CERS4: variants seen among roughly 807,000 people sequenced by gnomAD.
CERS4 encodes the protein LAG1 homolog, ceramide synthase 4.
CERS4 carries 65 observed loss-of-function variants against 51.8 expected under a neutral mutation model. The observed-to-expected ratio is 1.26, with a 90% CI of 1.03 to 1.54. CERS4 has a LOEUF of 1.54. Among genes scored for constraint, CERS4 ranks in the 40% most tolerant of loss-of-function variants. The probability of loss-of-function intolerance (pLI) is 0.00; values close to 1 mark genes in which losing one functional copy is unlikely to be tolerated. For synonymous variants in CERS4, 228 were observed against 208.4 expected (o/e 1.09, Z -0.81); for missense variants, 563 against 500.4 (o/e 1.13, Z -1.19).
intron 2 of CERS4, among the ~76,000 whole-genome samples, chr19:8,237,002 CAA>C (rs781273995): frequency 0.019 from 834 of 44,796 alleles, 2 homozygotes; most frequent in African/African-American, 0.059. Flanking sequence ...GACTCTGTCT[CAA>C]AAAAAAAAAA....
Position 8,260,703 on chromosome 19 carries a change from A to G in CERS4, c.849-985A>G, listed in dbSNP as rs1969639546. Among the ~76,000 whole-genome samples the G allele has an allele frequency of 2.0e-5, 3 of 151,748 alleles. No individual in the cohort carries two copies. In the South Asian group the frequency reaches 6.2e-4, roughly 31 times the overall value. ...GGCGGCTCACGCCTGTAATCCCAGC[A>G]CTTTGGGAGGCTGAGGTGAACAGAT... On this transcript the variant is annotated intron_variant, in intron 10 of 11. Coordinates refer to ENST00000251363, the MANE Select transcript of CERS4 (RefSeq NM_024552.3).
chr19:8,248,557 TTTAGATGGGTGGACAGATGG>T (rs1430703284), intron 2 of CERS4, among the ~76,000 whole-genome samples: 7 of 148,584 alleles, frequency 4.7e-5, no homozygotes, highest in Admixed American at 4.7e-4. Context: ...TGGACAGATG[TTTAGATGGGTGGACAGATGG>T]ATGATGGATG....
chr19:8,226,146 G>C (rs563188482), intron 2 of CERS4, among the ~76,000 whole-genome samples: 1 of 151,908 alleles, frequency 6.6e-6, no homozygotes, highest in Non-Finnish European at 1.5e-5. Context: ...GCAGTGAGCC[G>C]AAGTCACACC....
At chr19:8,215,706 C>T (rs902579730) in intron 2 of CERS4, among the ~76,000 whole-genome samples, 4 of 152,078 alleles carry the variant, frequency 2.6e-5, no homozygotes, top group Non-Finnish European at 4.4e-5. Flanking sequence ...TGTTGAGCCA[C>T]GGCACTGTGA....
chr19:8,241,929 G>A (rs1968556555), intron 2 of CERS4, among the ~76,000 whole-genome samples: 1 of 152,170 alleles, frequency 6.6e-6, no homozygotes, highest in South Asian at 2.1e-4. Flanking sequence ...GGATCCAAAA[G>A]AGAAAAGCTA....
intron 3 of CERS4, 30 bp from the exon 4 acceptor site, chr19:8,254,469 G>A (rs1198978076): frequency 6.2e-7 from 1 of 1,606,428 alleles, no homozygotes; most frequent in Admixed American, 1.7e-5. Flanking sequence ...CTTCACCTGG[G>A]CTGATAGGCT....
chr19:8,243,258 T>G (rs559854982), intron 2 of CERS4, among the ~76,000 whole-genome samples: 3 of 150,704 alleles, frequency 2.0e-5, no homozygotes, highest in Non-Finnish European at 4.4e-5. Context: ...TGGTCATGGC[T>G]TTGGCTGTGA....
At chr19:8,247,732 C>CTTTT (rs370855290) in intron 2 of CERS4, among the ~76,000 whole-genome samples, 17 of 131,136 alleles carry the variant, frequency 1.3e-4, no homozygotes, top group Admixed American at 2.5e-4. Flanking sequence ...ACCTCCGCAT[C>CTTTT]TTTTTTTTTT....
intron 2 of CERS4, chr19:8,239,235 C>T (rs1968412408): frequency 6.6e-6 from 1 of 151,718 alleles, no homozygotes; most frequent in Admixed American, 6.6e-5. Context: ...AACTCCGTCT[C>T]TACTAAAATA....
At chr19:8,261,014 G>C (rs1012791249) in intron 10 of CERS4, 1 of 151,762 alleles carries the variant, frequency 6.6e-6, no homozygotes, top group Non-Finnish European at 1.5e-5. Context: ...AGGATGTGGT[G>C]GGAGCTGGGC....
intron 2 of CERS4, among the ~76,000 whole-genome samples, chr19:8,248,385 G>A (rs1376028379): frequency 6.6e-6 from 1 of 152,176 alleles, no homozygotes; most frequent in Non-Finnish European, 1.5e-5. Flanking sequence ...ATGGATAGAT[G>A]GAAGAAAAGA....
chr19:8,245,275 A>C (rs950217259), intron 2 of CERS4, among the ~76,000 whole-genome samples: 2 of 151,724 alleles, frequency 1.3e-5, no homozygotes, highest in Non-Finnish European at 2.9e-5. Context: ...TTTTGGAGAC[A>C]GGTATCACTC....
intron 10 of CERS4, 35 bp from the exon 11 acceptor site, chr19:8,261,653 C>A: frequency 1.2e-6 from 2 of 1,611,950 alleles, no homozygotes; most frequent in South Asian, 2.2e-5. Context: ...AGCGGCTGGT[C>A]AAACCCCAGC....
chr19:8,250,889 T>C (rs1969042585), intron 2 of CERS4, 187 bp from the exon 3 acceptor site: 18 of 1,423,730 alleles, frequency 1.3e-5, no homozygotes, highest in Non-Finnish European at 1.6e-5. Context: ...TGGTGGCTCT[T>C]CTGGGACCAG....
At chr19:8,236,680 T>TA (rs59164781) in intron 2 of CERS4, among the ~76,000 whole-genome samples, 1,259 of 122,290 alleles carry the variant, frequency 0.01, 15 homozygotes, top group Middle Eastern at 0.035. Flanking sequence ...CCCTGTCTTC[T>TA]AAAAAAAAAA....
intron 2 of CERS4, chr19:8,239,748 GT>G (rs33921112): frequency 0.33 from 50,527 of 152,012 alleles, 10,687 homozygotes; most frequent in Non-Finnish European, 0.47. Context: ...CCTGTTAAGG[GT>G]GGGTTATTTT....
intron 2 of CERS4, among the ~76,000 whole-genome samples, chr19:8,226,862 C>T (rs1442470990): frequency 6.6e-6 from 1 of 152,130 alleles, no homozygotes; most frequent in Non-Finnish European, 1.5e-5. Context: ...GGCGCAGTGG[C>T]TCACACCTGT....
intron 2 of CERS4, among the ~76,000 whole-genome samples, chr19:8,215,155 G>C (rs1406162111): frequency 6.6e-6 from 1 of 151,882 alleles, no homozygotes; most frequent in Admixed American, 6.6e-5. Flanking sequence ...TGGTAGCCTC[G>C]ATCAGGGGCC....
chr19:8,254,240 G>A (rs113299606), intron 3 of CERS4, among the ~76,000 whole-genome samples: 1 of 149,086 alleles, frequency 6.7e-6, no homozygotes, highest in South Asian at 2.1e-4. Flanking sequence ...GGAGAATGGC[G>A]TGAACCCGGG....
Sources: gnomAD v4.1 joint callset for allele counts (sites outside exome capture counted in the v4.1 genomes callset) on GRCh38, gnomAD v4.1.1 for gene constraint, MANE v1.5 for transcripts, NCBI Gene and HGNC (gene_info 2026-07-23, HGNC 2026-07-21) for gene names.